Variants in SMAD4 observed in about 807,000 individuals in gnomAD.
The protein encoded by SMAD4 is SMAD family member 4.
A neutral mutation model predicts 63.2 loss-of-function variants in SMAD4; 7 were observed. The observed-to-expected ratio is 0.11, with a 90% CI of 0.06 to 0.21. The LOEUF (loss-of-function observed/expected upper bound fraction) is 0.21. Among genes scored for constraint, SMAD4 ranks in the 10% least tolerant of loss-of-function variants. The probability of loss-of-function intolerance (pLI) is 1.00; values close to 1 mark genes in which losing one functional copy is unlikely to be tolerated. For missense variants in SMAD4, 312 were observed against 693.8 expected (o/e 0.45, Z 6.18); for synonymous variants, 215 against 235.4 (o/e 0.91, Z 0.79).
chr18:51,062,851 G>GTTTTTCTTTTTTTTTTTTTTTTT (rs1910052469), intron 8 of SMAD4, among the ~76,000 whole-genome samples: 1 of 65,386 alleles, frequency 1.5e-5, no homozygotes, highest in African/African-American at 6.4e-5. Context: ...GGCTTTACTT[G>GTTTTTCTTTTTTTTTTTTTTTTT]TTTTTTTTTT....
chr18:51,030,999 T>G (rs1448420406), intron 1 of SMAD4, among the ~76,000 whole-genome samples: 1 of 152,230 alleles, frequency 6.6e-6, no homozygotes, highest in Non-Finnish European at 1.5e-5. Flanking sequence ...AAGTGAAAGT[T>G]GTAAATTGTT....
intron 1 of SMAD4, among the ~76,000 whole-genome samples, chr18:51,042,536 TAATTTTTTG>T (rs1445649719): frequency 6.6e-6 from 1 of 151,812 alleles, no homozygotes; most frequent in Non-Finnish European, 1.5e-5. Flanking sequence ...CATGCCCCAC[TAATTTTTTG>T]TATTTTTTGT....
chr18:51,066,873 A>G (rs1188140360), intron 9 of SMAD4, 146 bp from the exon 10 acceptor site: 1 of 654,782 alleles, frequency 1.5e-6, no homozygotes, highest in Middle Eastern at 4.1e-4. Flanking sequence ...AAAAAAGGAA[A>G]TATACAAAAA....
At chr18:51,077,298 T>G (rs965651029) in intron 11 of SMAD4, 6 of 680,142 alleles carry the variant, frequency 8.8e-6, no homozygotes, top group Non-Finnish European at 1.1e-5. Context: ...GGGGAATTTT[T>G]TACTGCAGAG....
At chr18:51,077,511 A>C (rs1464481091) in intron 11 of SMAD4, 1 of 277,390 alleles carries the variant, frequency 3.6e-6, no homozygotes. Context: ...TCATTGTAAT[A>C]TTGATGAATG....
At chr18:51,057,700 A>T (rs1266614284) in intron 5 of SMAD4, among the ~76,000 whole-genome samples, 1 of 152,184 alleles carries the variant, frequency 6.6e-6, no homozygotes, top group Non-Finnish European at 1.5e-5. Context: ...CAGTGCTGAT[A>T]GTGATTAATT....
intron 1 of SMAD4, among the ~76,000 whole-genome samples, chr18:51,044,654 A>G (rs1909484565): frequency 6.6e-6 from 1 of 152,146 alleles, no homozygotes; most frequent in Admixed American, 6.5e-5. Context: ...CGGCCTCCCA[A>G]AGTGCTGGGA....
Position 51,047,062 on chromosome 18 carries a change from A to G in SMAD4, c.16A>G (p.Ile6Val), listed in dbSNP as rs1376500870. 6.2e-7 allele frequency: 1 copy of G among 1,613,876 alleles called. No individual in the cohort carries two copies. Among genetic ancestry groups the G allele is most frequent in the Admixed American group, 1.7e-5 (1 of 60,030 alleles). MDNMSITNTPTSNDAC... is the reference protein window; with the variant it reads MDNMSVTNTPTSNDAC... ...ACTTGAACAAATGGACAATATGTCTATTACGAATACACCAACAAGTAATGA... is the reference window on the plus strand; with the variant it reads ...ACTTGAACAAATGGACAATATGTCTGTTACGAATACACCAACAAGTAATGA... The change falls in exon 2 of 12, where the codon ATT becomes GTT. Residue 6 changes from isoleucine to valine, a missense_variant. Around this residue, in one of 4 missense-constraint regions of SMAD4, gnomAD observed 37 missense variants for 87.3 expected, o/e 0.42. Transcript: ENST00000342988.
In SMAD4 at chr18:51,076,675, A is replaced by G; in HGVS notation, c.1346A>G (p.Gln449Arg). 2 of 1,613,974 alleles carry G rather than the reference A, an allele frequency of 1.2e-6. No homozygotes were observed. Among genetic ancestry groups the G allele is most frequent in the Non-Finnish European group, 1.7e-6 (2 of 1,179,826 alleles). ...DLRQCHRQMQ[Q>R]QAATAQAAAA... is the part of the protein sequence containing the mutation. ...CGTCAGTGTCATCGACAGATGCAGCAGCAGGCGGCTACTGCACAAGCTGCA... is the reference window on the plus strand; with the variant it reads ...CGTCAGTGTCATCGACAGATGCAGCGGCAGGCGGCTACTGCACAAGCTGCA... The change falls in exon 11 of 12, where the codon CAG becomes CGG. Residue 449 changes from glutamine (Q) to arginine (R), a missense_variant. Physicochemically the swap from Gln to Arg is conservative, Grantham distance 43 (BLOSUM62 1). Coordinates refer to ENST00000342988, the MANE Select transcript of SMAD4 (RefSeq NM_005359.6).
chr18:51,040,421 C>CA (rs11444945), intron 1 of SMAD4, among the ~76,000 whole-genome samples: 55,183 of 138,284 alleles, frequency 0.4, 10,295 homozygotes, highest in East Asian at 0.52. Context: ...AACTCTGTCT[C>CA]AAAAAAAAAA....
chr18:51,073,228 A>G (rs1910364154), intron 10 of SMAD4, among the ~76,000 whole-genome samples: 1 of 151,658 alleles, frequency 6.6e-6, no homozygotes, highest in African/African-American at 2.4e-5. Context: ...AACACATTGG[A>G]GAGAGCCTAT....
At position 51,059,803 on chromosome 18, in the gene SMAD4, A is replaced by T. The variant is rs555977752; in HGVS notation, c.905-63A>T. 47 of 1,224,708 alleles carry T rather than the reference A, an allele frequency of 3.8e-5. No individual in the cohort carries two copies. The Admixed American group carries it at 4.7e-4, about 12-fold the overall frequency. The allele number at this position is 1,224,708 out of a possible 1,614,324, so 75.9% of individuals were successfully genotyped here. ...AGTTATATTTAAGTAAGATTTACTGAAAGTTTTAGCATTAGACAACTTTTA... is the reference window on the plus strand; with the variant it reads ...AGTTATATTTAAGTAAGATTTACTGTAAGTTTTAGCATTAGACAACTTTTA... On this transcript the variant is annotated intron_variant, in intron 7 of 11. Transcript: ENST00000342988.
Position 51,049,182 on chromosome 18 carries a change from G to A in SMAD4, c.425-113G>A, listed in dbSNP as rs547744892. 6.6e-5 allele frequency: 54 copies of A among 818,658 alleles called. No homozygotes were observed. The African/African-American group carries it at 7.6e-4, about 12-fold the overall frequency. The allele number at this position is 818,658 out of a possible 1,614,324, so 50.7% of individuals were successfully genotyped here. A position where few individuals can be genotyped will look rare whatever the true frequency, so the allele number is the denominator to read the frequency against. Reference sequence around the variant, plus strand: ...TTTATGCTACTTCTGAATTGAAATGGTTCATGAACTTTTGTAATCTTTGGT... The same window carrying A: ...TTTATGCTACTTCTGAATTGAAATGATTCATGAACTTTTGTAATCTTTGGT... On this transcript the variant is annotated intron_variant, in intron 3 of 11. Coordinates refer to ENST00000342988, the MANE Select transcript of SMAD4 (RefSeq NM_005359.6).
intron 8 of SMAD4, among the ~76,000 whole-genome samples, chr18:51,062,249 C>CT (rs758645554): frequency 6.6e-6 from 1 of 152,084 alleles, no homozygotes; most frequent in Non-Finnish European, 1.5e-5. Context: ...TTTTCATAAA[C>CT]TTTCTTTTTT....
intron 1 of SMAD4, among the ~76,000 whole-genome samples, 151 bp downstream of exon 1, chr18:51,030,774 C>T (rs1177995800): frequency 6.6e-6 from 1 of 151,244 alleles, no homozygotes; most frequent in Non-Finnish European, 1.5e-5. Flanking sequence ...ACCGCGGCGG[C>T]CTGACGAGCC....
rs1458329819 is a variant in SMAD4, at chr18:51,084,010, GCGCACACA to G, written c.*5545_*5552del. ...ACTTAACGCGCGTGCGCACGCGCGC[GCGCACACA>G]CACACACACACACACACACACACAC... On this transcript the variant is annotated 3_prime_UTR_variant, in exon 12 of 12. Transcript: ENST00000342988. The G allele has an allele frequency of 1.5e-3, 93 of 60,720 alleles. No individual in the cohort carries two copies. Among genetic ancestry groups the G allele is most frequent in the African/African-American group, 4.1e-3 (83 of 20,260 alleles). The allele number at this position is 60,720 out of a possible 1,614,324, so 3.8% of individuals were successfully genotyped here. A position where few individuals can be genotyped will look rare whatever the true frequency, so the allele number is the denominator to read the frequency against.
chr18:51,051,899 C>A (rs753608389), intron 4 of SMAD4, among the ~76,000 whole-genome samples: 1 of 151,988 alleles, frequency 6.6e-6, no homozygotes, highest in Non-Finnish European at 1.5e-5. Flanking sequence ...CTCCGCCTCC[C>A]GAGTTCAAGC....
rs1060504027 is a variant in SMAD4 at position 51,054,959 on chromosome 18, T to C, written c.633T>C (p.Thr211=). ...LAPSESNATS[T]ANFPNIPVAS... Reference sequence around the variant, plus strand: ...CATCTGAGTCTAATGCTACCAGCACTGCCAACTTTCCCAACATTCCTGTGG... The same window carrying C: ...CATCTGAGTCTAATGCTACCAGCACCGCCAACTTTCCCAACATTCCTGTGG... Residue 211 remains threonine, a synonymous_variant, in exon 5 of 12, where the codon ACT becomes ACC. Coordinates refer to ENST00000342988, the MANE Select transcript of SMAD4 (RefSeq NM_005359.6). The C allele has an allele frequency of 6.2e-7, 1 of 1,614,162 alleles. No individual in the cohort carries two copies. Among genetic ancestry groups the C allele is most frequent in the Non-Finnish European group, 8.5e-7 (1 of 1,179,988 alleles).
intron 1 of SMAD4, among the ~76,000 whole-genome samples, chr18:51,033,753 C>T (rs966892761): frequency 2.6e-5 from 4 of 152,082 alleles, no homozygotes; most frequent in African/African-American, 9.7e-5. Flanking sequence ...TGACTGAATT[C>T]CAGTTTCTCA....
Sources: allele counts gnomAD v4.1 joint callset (sites outside exome capture counted in the v4.1 genomes callset), GRCh38; gene constraint gnomAD v4.1.1; regional missense constraint gnomAD v4.1.1; transcripts MANE v1.5; gene names NCBI Gene and HGNC (gene_info 2026-07-23, HGNC 2026-07-21).